Variants in OPCML observed in about 807,000 individuals in gnomAD.
OPCML encodes opioid binding protein/cell adhesion molecule like, also known as opioid-binding protein/cell adhesion molecule.
Under a neutral mutation model 37.8 loss-of-function variants are expected in OPCML, and 13 were observed. The ratio of observed to expected loss-of-function variants is 0.34; its 90% confidence interval spans 0.22 to 0.55. The LOEUF (loss-of-function observed/expected upper bound fraction) is 0.55, where lower values mean the gene tolerates loss of function less well. Among genes scored for constraint, OPCML ranks in the 20% least tolerant of loss-of-function variants. The pLI, the probability that OPCML is intolerant of heterozygous loss-of-function variation, is 0.91. For synonymous variants in OPCML, 176 were observed against 168.8 expected (o/e 1.04, Z -0.33); for missense variants, 341 against 435.6 (o/e 0.78, Z 1.93).
intron 2 of OPCML, among the ~76,000 whole-genome samples, chr11:132,921,887 C>CT (rs113032021): frequency 0.012 from 1,788 of 148,958 alleles, 38 homozygotes; most frequent in African/African-American, 0.04. Flanking sequence ...TAAATTTTAC[C>CT]TTTTTTTTTT....
At chr11:133,204,890 A>ATATATATGTGTG (rs1938988559) in intron 1 of OPCML, among the ~76,000 whole-genome samples, 2 of 131,982 alleles carry the variant, frequency 1.5e-5, no homozygotes, top group Non-Finnish European at 3.3e-5. Flanking sequence ...ATATATATAT[A>ATATATATGTGTG]TATATATATA....
intron 2 of OPCML, among the ~76,000 whole-genome samples, chr11:132,687,620 T>G (rs1433528583): frequency 6.6e-6 from 1 of 151,836 alleles, no homozygotes. Flanking sequence ...AAAGCAGAAC[T>G]TGTATTTAAA....
intron 7 of OPCML, among the ~76,000 whole-genome samples, chr11:132,429,383 A>T (rs753462617): frequency 4.6e-5 from 7 of 152,228 alleles, no homozygotes; most frequent in Non-Finnish European, 7.3e-5. Context: ...TCCATGTGAG[A>T]CGTGTGCCAC....
intron 2 of OPCML, among the ~76,000 whole-genome samples, chr11:132,789,965 C>T (rs1181637039): frequency 6.6e-6 from 1 of 152,092 alleles, no homozygotes; most frequent in African/African-American, 2.4e-5. Flanking sequence ...TAAGATATCT[C>T]GAACAACTCA....
intron 4 of OPCML, among the ~76,000 whole-genome samples, chr11:132,497,607 C>T (rs1041091701): frequency 6.6e-5 from 10 of 151,984 alleles, no homozygotes; most frequent in Non-Finnish European, 1.2e-4. Flanking sequence ...GAAGAAAGAA[C>T]ATTCCAAGCA....
chr11:133,517,096 A>G (rs936445833), intron 1 of OPCML, among the ~76,000 whole-genome samples: 33 of 152,182 alleles, frequency 2.2e-4, no homozygotes, highest in African/African-American at 6.8e-4. Flanking sequence ...TCTGGACTCC[A>G]TTCCCAGTCA....
At chr11:133,240,282 G>A (rs951923707) in intron 1 of OPCML, among the ~76,000 whole-genome samples, 56 of 149,828 alleles carry the variant, frequency 3.7e-4, no homozygotes, top group Non-Finnish European at 4.7e-4. Flanking sequence ...CTCATGTTAA[G>A]GATATGTATC....
At chr11:133,473,527 A>T (rs1468474733) in intron 1 of OPCML, among the ~76,000 whole-genome samples, 3 of 152,158 alleles carry the variant, frequency 2.0e-5, no homozygotes, top group Non-Finnish European at 4.4e-5. Flanking sequence ...GAACAAGGTT[A>T]CTCCATGTTT....
chr11:133,150,272 G>A (rs532960964), intron 1 of OPCML, among the ~76,000 whole-genome samples: 14 of 152,298 alleles, frequency 9.2e-5, no homozygotes, highest in African/African-American at 2.9e-4. Context: ...CAGGGACTGC[G>A]CTAAACCCTT....
At chr11:133,433,496 TG>T (rs1413601387) in intron 1 of OPCML, among the ~76,000 whole-genome samples, 4 of 152,148 alleles carry the variant, frequency 2.6e-5, no homozygotes, top group Non-Finnish European at 5.9e-5. Flanking sequence ...TTTACAAAAT[TG>T]TGGAAATGTT....
chr11:133,154,711 G>A (rs578097106), intron 1 of OPCML, among the ~76,000 whole-genome samples: 1 of 152,274 alleles, frequency 6.6e-6, no homozygotes, highest in South Asian at 2.1e-4. Context: ...AGGGGACATT[G>A]GGAAGTGAGA....
At chr11:133,042,834 G>A (rs1947932343) in intron 1 of OPCML, among the ~76,000 whole-genome samples, 1 of 152,050 alleles carries the variant, frequency 6.6e-6, no homozygotes, top group South Asian at 2.1e-4. Flanking sequence ...TTCTGTCATG[G>A]GCAAAATTTA....
intron 1 of OPCML, among the ~76,000 whole-genome samples, chr11:133,109,268 GGCAGTA>G (rs1047790495): frequency 1.3e-5 from 2 of 152,100 alleles, no homozygotes; most frequent in Admixed American, 6.5e-5. Context: ...CCAAAGAGTG[GGCAGTA>G]GCAAGGTTTG....
chr11:133,133,933 G>A lies in OPCML; in HGVS notation c.62-190923C>T, dbSNP rs184778793. ...GTTCAAGTTGTTAATGATTCAACAT[G>A]AAACATCCAATATCACACGGGACAA... On this transcript the variant is annotated intron_variant, in intron 1 of 7. Transcript: ENST00000524381. 2.0e-5 allele frequency among the ~76,000 whole-genome samples: 3 copies of A among 152,260 alleles called. No homozygotes were observed. The East Asian group carries it at 5.8e-4, about 29-fold the overall frequency.
chr11:133,024,744 A>G, intron 1 of OPCML: 1 of 967,432 alleles, frequency 1.0e-6, no homozygotes, highest in Non-Finnish European at 1.2e-6. Context: ...GCGCTTTTGA[A>G]TATGGGTTAA....
At chr11:132,700,503 G>T (rs556475291) in intron 2 of OPCML, among the ~76,000 whole-genome samples, 12 of 152,136 alleles carry the variant, frequency 7.9e-5, no homozygotes, top group East Asian at 1.9e-4. Flanking sequence ...GTTTGTCTCA[G>T]ATTTTTAAAA....
At chr11:132,429,108 C>A (rs1328620400) in intron 7 of OPCML, among the ~76,000 whole-genome samples, 1 of 151,956 alleles carries the variant, frequency 6.6e-6, no homozygotes, top group Admixed American at 6.6e-5. Context: ...GTAACGGGAT[C>A]TGGGACACAG....
chr11:132,758,662 CTT>C (rs1461134636), intron 2 of OPCML, among the ~76,000 whole-genome samples: 1 of 152,166 alleles, frequency 6.6e-6, no homozygotes, highest in East Asian at 1.9e-4. Context: ...TATCCTGAGA[CTT>C]TGCTGAAGTT....
chr11:133,308,545 G>A (rs1437584719), intron 1 of OPCML, among the ~76,000 whole-genome samples: 1 of 152,006 alleles, frequency 6.6e-6, no homozygotes, highest in African/African-American at 2.4e-5. Context: ...ATATGGAAAG[G>A]TAGAACAATA....
Sources: allele counts gnomAD v4.1 joint callset (sites outside exome capture counted in the v4.1 genomes callset), GRCh38; gene constraint gnomAD v4.1.1; transcripts MANE v1.5; gene names NCBI Gene and HGNC (gene_info 2026-07-23, HGNC 2026-07-21).